Variants in MYH10 observed in about 807,000 individuals in gnomAD.
The protein encoded by MYH10 is myosin heavy chain 10.
Under a neutral mutation model 257.8 loss-of-function variants are expected in MYH10, and 55 were observed. The observed-to-expected ratio is 0.21, with a 90% CI of 0.17 to 0.27. The LOEUF (loss-of-function observed/expected upper bound fraction) is 0.27, where lower values mean the gene tolerates loss of function less well. Among genes scored for constraint, MYH10 ranks in the 10% least tolerant of loss-of-function variants. The pLI is 1.00. For missense variants in MYH10, 1,631 were observed against 2,500.6 expected (o/e 0.65, Z 7.42); for synonymous variants, 854 against 921.7 (o/e 0.93, Z 1.33).
chr17:8,504,741 T>C lies in MYH10; in HGVS notation c.3552A>G (p.Thr1184=). 6.2e-7 allele frequency: 1 copy of C among 1,614,202 alleles called. No homozygotes were observed. Residue 1184 remains threonine (T), a synonymous_variant, in exon 28 of 43, where the codon ACA becomes ACG. Coordinates refer to ENST00000360416, the MANE Select transcript of MYH10 (RefSeq NM_001256012.3). The surrounding 1 kb of genome is among the most constrained non-coding windows in gnomAD (Gnocchi z 5.6). ...TGGTGTCCAGCGTGTCCTCCAGCTC[T>C]GTTTTCAGAGCTTCCAGTTCCTCAC... The part of the protein sequence containing the change: ...DLSEELEALK[T]ELEDTLDTTA...
intron 3 of MYH10, among the ~76,000 whole-genome samples, chr17:8,600,559 G>T (rs1424949061): frequency 1.3e-5 from 2 of 152,196 alleles, no homozygotes; most frequent in African/African-American, 4.8e-5. Flanking sequence ...GAATTCATAT[G>T]AAGGACCTTA....
At chr17:8,579,430 T>G (rs1403578039) in intron 4 of MYH10, among the ~76,000 whole-genome samples, 2 of 152,218 alleles carry the variant, frequency 1.3e-5, no homozygotes, top group Non-Finnish European at 2.9e-5. Context: ...GGAACCCTAG[T>G]GACCAACTGT....
chr17:8,511,059 T>TATATATATATAC (rs1222415877), intron 24 of MYH10: 2 of 88,690 alleles, frequency 2.3e-5, no homozygotes, highest in African/African-American at 1.1e-4. Context: ...TATATATATA[T>TATATATATATAC]ACACACATAC....
At chr17:8,562,689 C>T (rs1041018338) in intron 7 of MYH10, among the ~76,000 whole-genome samples, 3 of 152,150 alleles carry the variant, frequency 2.0e-5, no homozygotes, top group Non-Finnish European at 4.4e-5. Flanking sequence ...ATTTTGATAA[C>T]GCTTATTGTA....
chr17:8,520,854 A>G (rs1228286130), intron 19 of MYH10, 24 bp downstream of exon 19: 1 of 1,579,470 alleles, frequency 6.3e-7, no homozygotes, highest in Non-Finnish European at 8.6e-7. Context: ...ATACATAAGC[A>G]AAAAAAGTAA....
intron 7 of MYH10, 109 bp from the exon 8 acceptor site, chr17:8,554,127 G>T: frequency 1.4e-6 from 1 of 710,858 alleles, no homozygotes; most frequent in South Asian, 1.9e-5. Flanking sequence ...TACAATAATG[G>T]ATCTTATATA....
chr17:8,622,259 A>AT (rs2085494842), intron 2 of MYH10, among the ~76,000 whole-genome samples: 1 of 152,026 alleles, frequency 6.6e-6, no homozygotes. Flanking sequence ...TCTGGCTTAC[A>AT]TTTTTCCTCT....
Position 8,492,503 on chromosome 17 carries a change from C to T in MYH10, c.4465G>A (p.Ala1489Thr), listed in dbSNP as rs748556747. Residue 1489 changes from alanine (A) to threonine (T), a missense_variant, in exon 34 of 43, where the codon GCA (alanine) becomes ACA (threonine). Physicochemically the swap from Ala to Thr is moderately conservative, Grantham distance 58. Coordinates refer to ENST00000360416, the MANE Select transcript of MYH10 (RefSeq NM_001256012.3). The stretch of plus-strand genomic sequence containing the variant: ...CGAGCAGAGATGCTCTTCTCTTCTG[C>T]TAACAGCTGTGCAGAAGGGGATGGG... ...KKQKKFDQLLAEEKSISARYA... is the reference protein window; with the variant it reads ...KKQKKFDQLLTEEKSISARYA... 1 of 1,611,008 alleles carries T rather than the reference C, an allele frequency of 6.2e-7. No homozygotes were observed. Among genetic ancestry groups the T allele is most frequent in the Non-Finnish European group, 8.5e-7 (1 of 1,179,404 alleles).
chr17:8,561,678 A>G, intron 7 of MYH10: 2 of 638,858 alleles, frequency 3.1e-6, no homozygotes, highest in Admixed American at 2.8e-5. Context: ...GCCTCTGAAC[A>G]GGTGAGCTGT....
At chr17:8,603,094 A>G (rs2084671472) in intron 3 of MYH10, among the ~76,000 whole-genome samples, 1 of 152,214 alleles carries the variant, frequency 6.6e-6, no homozygotes, top group Non-Finnish European at 1.5e-5. Flanking sequence ...CTAATGGGAT[A>G]TAATGTTTAT....
At chr17:8,505,754 G>A (rs1204718830) in intron 27 of MYH10, among the ~76,000 whole-genome samples, 1 of 152,232 alleles carries the variant, frequency 6.6e-6, no homozygotes, top group Non-Finnish European at 1.5e-5. Flanking sequence ...GCCAAGTCAG[G>A]TGGATCACTT....
At chr17:8,611,379 C>A (rs1213675298) in intron 2 of MYH10, among the ~76,000 whole-genome samples, 1 of 152,144 alleles carries the variant, frequency 6.6e-6, no homozygotes, top group Non-Finnish European at 1.5e-5. Flanking sequence ...AATAACTGGG[C>A]ATATGAGGCA....
chr17:8,513,234 C>A (rs1276429287), intron 23 of MYH10, among the ~76,000 whole-genome samples: 3 of 152,282 alleles, frequency 2.0e-5, no homozygotes, highest in Admixed American at 1.3e-4. Context: ...AGGAAGGTGA[C>A]AGTACCGGGA....
chr17:8,480,830 C>T (rs1913620708), intron 38 of MYH10, among the ~76,000 whole-genome samples: 1 of 152,038 alleles, frequency 6.6e-6, no homozygotes, highest in Non-Finnish European at 1.5e-5. Context: ...GAGTCGCTTT[C>T]AAAACGCAAG....
At chr17:8,551,017 G>GTCCT (rs1043951030) in intron 9 of MYH10, among the ~76,000 whole-genome samples, 9 of 151,026 alleles carry the variant, frequency 6.0e-5, no homozygotes, top group African/African-American at 1.9e-4. Flanking sequence ...AGGCCGCAGG[G>GTCCT]TCCTCTGCCT....
chr17:8,588,697 G>A (rs2084006876), intron 4 of MYH10, among the ~76,000 whole-genome samples: 1 of 152,132 alleles, frequency 6.6e-6, no homozygotes, highest in Non-Finnish European at 1.5e-5. Flanking sequence ...ATCTAATTGT[G>A]TCCTGTTGTG....
chr17:8,517,864 A>C (rs1401666912), intron 21 of MYH10, among the ~76,000 whole-genome samples: 1 of 152,026 alleles, frequency 6.6e-6, no homozygotes. Context: ...CACCTTCTCA[A>C]ATGCTGCCAG....
intron 1 of MYH10, among the ~76,000 whole-genome samples, chr17:8,624,344 T>A (rs1416153542): frequency 3.9e-5 from 6 of 152,206 alleles, no homozygotes; most frequent in African/African-American, 1.2e-4. Flanking sequence ...TCATCATGAT[T>A]GCCTGACAGG....
intron 2 of MYH10, among the ~76,000 whole-genome samples, chr17:8,622,167 G>A (rs1336186800): frequency 6.6e-6 from 1 of 152,024 alleles, no homozygotes; most frequent in East Asian, 1.9e-4. Context: ...AGTCCCACAC[G>A]TGCCACCTTC....
Sources: allele counts gnomAD v4.1 joint callset (sites outside exome capture counted in the v4.1 genomes callset), GRCh38; gene constraint gnomAD v4.1.1; non-coding constraint Gnocchi (gnomAD v3.1); transcripts MANE v1.5; gene names NCBI Gene and HGNC (gene_info 2026-07-23, HGNC 2026-07-21).